Variants in AAK1 observed in about 807,000 individuals in gnomAD.
AAK1 encodes AP2 associated kinase 1, also known as AP2-associated protein kinase 1.
In AAK1, 37 loss-of-function variants were observed where a neutral mutation model predicts 116.0. The observed-to-expected ratio is 0.32, with a 90% CI of 0.25 to 0.42. The LOEUF is 0.42. AAK1 is among the 10% of genes least tolerant of loss of function. AAK1 has a pLI of 1.00. For missense variants in AAK1, 919 were observed against 1,170.6 expected (o/e 0.79, Z 3.14); for synonymous variants, 458 against 439.9 (o/e 1.04, Z -0.51).
At chr2:69,611,580 C>T (rs1246326434) in intron 2 of AAK1, among the ~76,000 whole-genome samples, 1 of 152,206 alleles carries the variant, frequency 6.6e-6, no homozygotes, top group Non-Finnish European at 1.5e-5. Flanking sequence ...AGCCAATTCT[C>T]CCTAATAAAC....
At chr2:69,642,093 G>T (rs1231775664) in intron 2 of AAK1, among the ~76,000 whole-genome samples, 1 of 152,094 alleles carries the variant, frequency 6.6e-6, no homozygotes, top group Non-Finnish European at 1.5e-5. Context: ...ATATCTACGT[G>T]AGTATAGACA....
chr2:69,562,658 G>A (rs1488590940), intron 2 of AAK1, among the ~76,000 whole-genome samples: 4 of 152,244 alleles, frequency 2.6e-5, no homozygotes, highest in Admixed American at 1.3e-4. Context: ...TTGGGAGGTC[G>A]AGGCGGGCAG....
intron 2 of AAK1, among the ~76,000 whole-genome samples, chr2:69,642,249 G>A (rs537648474): frequency 1.3e-5 from 2 of 151,924 alleles, no homozygotes; most frequent in East Asian, 3.9e-4. Context: ...GAAGGAAGAG[G>A]GGCCTACTAG....
chr2:69,607,046 CAAAAAAA>C (rs61156108), intron 2 of AAK1, among the ~76,000 whole-genome samples: 22 of 68,854 alleles, frequency 3.2e-4, no homozygotes, highest in Middle Eastern at 0.01. Context: ...AGTCTTGCCT[CAAAAAAA>C]AAAAAAAAAA....
intron 4 of AAK1, 42 bp from the exon 5 acceptor site, chr2:69,542,707 T>C (rs1670770144): frequency 6.3e-7 from 1 of 1,599,764 alleles, no homozygotes; most frequent in African/African-American, 1.3e-5. Context: ...TTATAAACAT[T>C]CGGACTTGTC....
intron 17 of AAK1, among the ~76,000 whole-genome samples, chr2:69,486,564 C>T (rs1572886099): frequency 6.6e-6 from 1 of 152,198 alleles, no homozygotes; most frequent in African/African-American, 2.4e-5. Context: ...GACAGCTGTG[C>T]GAAAAGCTAC....
intron 21 of AAK1, among the ~76,000 whole-genome samples, 154 bp downstream of exon 21, chr2:69,476,726 C>G (rs1674872062): frequency 6.6e-6 from 1 of 152,160 alleles, no homozygotes; most frequent in Admixed American, 6.5e-5. Context: ...CTATCTCTAT[C>G]TATCTCTATT....
intron 2 of AAK1, among the ~76,000 whole-genome samples, chr2:69,559,298 A>ACT (rs1043202922): frequency 5.7e-4 from 45 of 78,376 alleles, no homozygotes; most frequent in Middle Eastern, 7.4e-3. Context: ...ACACACACAC[A>ACT]CTCTCTCTCT....
At chr2:69,494,597 G>A (rs928293342) in intron 17 of AAK1, among the ~76,000 whole-genome samples, 2 of 152,146 alleles carry the variant, frequency 1.3e-5, no homozygotes, top group African/African-American at 4.8e-5. Context: ...AAAACAGGGA[G>A]GAAAAGACAG....
rs146521479 is a variant in AAK1, at chr2:69,589,566, G to A, written c.164-32588C>T. Among the ~76,000 whole-genome samples, 83 of 151,986 alleles carry A rather than the reference G, an allele frequency of 5.5e-4. No homozygotes were observed. The East Asian group carries it at 9.5e-3, about 17-fold the overall frequency. ...TCTATTAAAAATACAAAAATTAGCC[G>A]GGCTTGATGGCGCATGCCTGTAATC... On this transcript the variant is annotated intron_variant, in intron 2 of 21. Coordinates refer to ENST00000409085, the MANE Select transcript of AAK1 (RefSeq NM_014911.5).
chr2:69,499,365 C>G (rs937687344), intron 16 of AAK1, among the ~76,000 whole-genome samples: 6 of 152,180 alleles, frequency 3.9e-5, no homozygotes, highest in African/African-American at 1.2e-4. Context: ...TCATTCAAAC[C>G]GTATTTCTCA....
Position 69,540,121 on chromosome 2 carries a change from CT to C in AAK1, c.534+2401del, listed in dbSNP as rs538276702. Among the ~76,000 whole-genome samples the C allele has an allele frequency of 7.3e-3, 935 of 127,776 alleles. 57 individuals carry two copies. Among genetic ancestry groups the C allele is most frequent in the African/African-American group, 0.022 (714 of 32,336 alleles). 83.8% of individuals were successfully genotyped at this position (127,776 alleles called of 152,430 possible). A position where few individuals can be genotyped will look rare whatever the true frequency, so the allele number is the denominator to read the frequency against. ...AACATGCATTCCCTGCCCCACTTGC[CT>C]TTTTTTTTTTTTTTTTTGAGACAGA... On this transcript the variant is annotated intron_variant, in intron 5 of 21. Coordinates refer to ENST00000409085, the MANE Select transcript of AAK1 (RefSeq NM_014911.5).
Position 69,518,988 on chromosome 2 carries a change from G to A in AAK1, c.1463C>T (p.Thr488Met), listed in dbSNP as rs1032607711. Reference sequence around the variant, plus strand: ...CTGGGCCTGCTGCTGCTGGTAAAACGTGCCTGCCGGCTGCTGCTGTGCTGG... The same window carrying A: ...CTGGGCCTGCTGCTGCTGGTAAAACATGCCTGCCGGCTGCTGCTGTGCTGG... Reference protein sequence around the residue: ...PPPAQQQPAGTFYQQQQAQTQ... With the variant: ...PPPAQQQPAGMFYQQQQAQTQ... Residue 488 changes from threonine (T) to methionine (M), a missense_variant, in exon 12 of 22, where the codon ACG becomes ATG. Coordinates refer to ENST00000409085, the MANE Select transcript of AAK1 (RefSeq NM_014911.5). The A allele has an allele frequency of 1.0e-5, 16 of 1,549,560 alleles. No homozygotes were observed. The highest frequency in any genetic ancestry group is 2.1e-4 in the Middle Eastern group (1 of 4,758).
intron 17 of AAK1, among the ~76,000 whole-genome samples, chr2:69,490,536 T>C (rs1042347956): frequency 5.3e-5 from 8 of 152,104 alleles, no homozygotes; most frequent in African/African-American, 1.7e-4. Flanking sequence ...AAGGATATGA[T>C]ACTAAATGAA....
rs1674659621 is a variant in AAK1, at chr2:69,471,059, T to C, written c.*4810A>G. ...TGCATAAGATATCTTCATGTACAAC[T>C]GTATGCTTTGTCTTCTTGGGAAGGA... On this transcript the variant is annotated 3_prime_UTR_variant, in exon 22 of 22. Transcript: ENST00000409085. 1.0e-6 allele frequency: 1 copy of C among 985,834 alleles called. No homozygotes were observed. The highest frequency in any genetic ancestry group is 1.7e-5 in the African/African-American group (1 of 57,354). 61.1% of individuals were successfully genotyped at this position (985,834 alleles called of 1,614,324 possible).
chr2:69,471,054 A>G lies in AAK1; in HGVS notation c.*4815T>C. 1.0e-6 allele frequency: 1 copy of G among 985,810 alleles called. No homozygotes were observed. The highest frequency in any genetic ancestry group is 1.2e-6 in the Non-Finnish European group (1 of 829,920). 61.1% of individuals were successfully genotyped at this position (985,810 alleles called of 1,614,324 possible). ...TTTACTGCATAAGATATCTTCATGT[A>G]CAACTGTATGCTTTGTCTTCTTGGG... is the stretch of plus-strand genomic sequence containing the variant. On this transcript the variant is annotated 3_prime_UTR_variant, in exon 22 of 22. Coordinates refer to ENST00000409085, the MANE Select transcript of AAK1 (RefSeq NM_014911.5).
At chr2:69,544,226 C>G in intron 4 of AAK1, 1 of 499,588 alleles carries the variant, frequency 2.0e-6, no homozygotes, top group Non-Finnish European at 3.6e-6. Context: ...CCTTCCCAAA[C>G]CTAACAAAAA....
chr2:69,526,265 A>T (rs1016443124), intron 9 of AAK1, among the ~76,000 whole-genome samples: 1 of 152,196 alleles, frequency 6.6e-6, no homozygotes, highest in African/African-American at 2.4e-5. Flanking sequence ...TTAGTAATAA[A>T]GCCAATATTC....
chr2:69,542,491 GA>G, intron 5 of AAK1, 31 bp downstream of exon 5: 1 of 1,612,528 alleles, frequency 6.2e-7, no homozygotes, highest in South Asian at 1.1e-5. Context: ...ATATTGAGTA[GA>G]ATGCCCGTAA....
Sources: gnomAD v4.1 joint callset for allele counts (sites outside exome capture counted in the v4.1 genomes callset) on GRCh38, gnomAD v4.1.1 for gene constraint, MANE v1.5 for transcripts, NCBI Gene and HGNC (gene_info 2026-07-23, HGNC 2026-07-21) for gene names.